The following CNTN6 variants were observed in gnomAD, a reference collection of about 807,000 sequenced individuals.
CNTN6 encodes contactin 6.
CNTN6 carries 137 observed loss-of-function variants against 122.8 expected under a neutral mutation model. The observed-to-expected ratio is 1.12, with a 90% CI of 0.97 to 1.29. The LOEUF (loss-of-function observed/expected upper bound fraction) is 1.29. Ranked by LOEUF, CNTN6 falls within the 50% of genes most tolerant of loss-of-function variation. The pLI is 0.00. For missense variants in CNTN6, 1,634 were observed against 1,223.4 expected (o/e 1.34, Z -5.01); for synonymous variants, 570 against 426.0 (o/e 1.34, Z -4.16).
intron 2 of CNTN6, among the ~76,000 whole-genome samples, chr3:1,196,564 T>C (rs1364884129): frequency 6.6e-6 from 1 of 152,148 alleles, no homozygotes; most frequent in Non-Finnish European, 1.5e-5. Flanking sequence ...GAATGAAGTG[T>C]TATGATGAGG....
chr3:1,114,701 G>C (rs1440531974), intron 1 of CNTN6, among the ~76,000 whole-genome samples: 1 of 152,042 alleles, frequency 6.6e-6, no homozygotes, highest in East Asian at 1.9e-4. Context: ...TCGCAAAAGT[G>C]GTATTTTTAG....
chr3:1,385,138 T>C (rs980622082), intron 19 of CNTN6, among the ~76,000 whole-genome samples: 8 of 151,924 alleles, frequency 5.3e-5, no homozygotes, highest in African/African-American at 1.9e-4. Context: ...TTTATTCTCT[T>C]TTTTTTTCAA....
intron 1 of CNTN6, among the ~76,000 whole-genome samples, chr3:1,116,966 A>G (rs538236542): frequency 2.0e-5 from 3 of 152,170 alleles, no homozygotes; most frequent in South Asian, 4.2e-4. Context: ...CAGTCTCGCA[A>G]ATTTCCCTCT....
chr3:1,241,399 C>G (rs9850923), intron 4 of CNTN6, among the ~76,000 whole-genome samples: 1 of 151,630 alleles, frequency 6.6e-6, no homozygotes, highest in African/African-American at 2.4e-5. Flanking sequence ...GTGGGAGAGA[C>G]TAAGCTGAAG....
intron 2 of CNTN6, among the ~76,000 whole-genome samples, chr3:1,160,521 CT>C (rs2093106985): frequency 6.6e-6 from 1 of 151,172 alleles, no homozygotes; most frequent in Non-Finnish European, 1.5e-5. Flanking sequence ...TTGTATGAAT[CT>C]TTTACAGCCT....
chr3:1,338,005 A>C (rs911070783), intron 11 of CNTN6, among the ~76,000 whole-genome samples: 1 of 152,052 alleles, frequency 6.6e-6, no homozygotes, highest in East Asian at 1.9e-4. Context: ...GCTCCGGTTC[A>C]TTAAAGTTAT....
At chr3:1,394,467 A>T (rs1694728052) in intron 20 of CNTN6, 2 of 157,568 alleles carry the variant, frequency 1.3e-5, no homozygotes, top group Admixed American at 6.5e-5. Flanking sequence ...TGACGGGTTG[A>T]CAGTGCCGAG....
At chr3:1,225,281 ACT>A (rs1320874351) in intron 3 of CNTN6, among the ~76,000 whole-genome samples, 1 of 152,200 alleles carries the variant, frequency 6.6e-6, no homozygotes, top group African/African-American at 2.4e-5. Context: ...ATTCATTAAT[ACT>A]GTTTCTCCAT....
chr3:1,296,919 C>T (rs553953994), intron 6 of CNTN6, among the ~76,000 whole-genome samples: 63 of 152,110 alleles, frequency 4.1e-4, no homozygotes, highest in African/African-American at 1.5e-3. Context: ...CTTCTTCTAT[C>T]CCCTCTATTC....
intron 1 of CNTN6, among the ~76,000 whole-genome samples, chr3:1,135,030 T>C (rs2092437332): frequency 6.6e-6 from 1 of 152,084 alleles, no homozygotes; most frequent in South Asian, 2.1e-4. Flanking sequence ...CCATGCCCCA[T>C]AGCACAAAGT....
Position 1,383,126 on chromosome 3 carries a change from AAGG to A in CNTN6, c.2354_2356del (p.Gly785del), listed in dbSNP as rs1214088808. On this transcript the variant is annotated inframe_deletion, in exon 18 of 23. Transcript: ENST00000446702. Reference sequence around the variant, plus strand: ...GTCAAAGTGGGTGTGTATAATAATGAAGGAGAAGGATCCCTGAGTACTGTGACC... The same window carrying A: ...GTCAAAGTGGGTGTGTATAATAATGAAGAAGGATCCCTGAGTACTGTGACC... 1 of 1,614,062 alleles carries A rather than the reference AAGG, an allele frequency of 6.2e-7. No homozygotes were observed. The highest frequency in any genetic ancestry group is 8.5e-7 in the Non-Finnish European group (1 of 1,179,944).
chr3:1,136,631 A>C (rs2092482049), intron 1 of CNTN6, among the ~76,000 whole-genome samples: 1 of 152,148 alleles, frequency 6.6e-6, no homozygotes, highest in Non-Finnish European at 1.5e-5. Context: ...CTAGCTTTAT[A>C]ACAACTCAGG....
intron 2 of CNTN6, among the ~76,000 whole-genome samples, chr3:1,159,411 T>G (rs539836952): frequency 3.9e-5 from 6 of 152,036 alleles, no homozygotes; most frequent in Non-Finnish European, 7.4e-5. Flanking sequence ...GACTGGAGAT[T>G]TCATCACACT....
intron 4 of CNTN6, among the ~76,000 whole-genome samples, chr3:1,261,007 C>A (rs964962741): frequency 2.0e-5 from 3 of 152,138 alleles, no homozygotes; most frequent in Non-Finnish European, 4.4e-5. Flanking sequence ...GCTGTTCAAA[C>A]TTAATGTGAA....
At chr3:1,155,024 A>G (rs1321598412) in intron 2 of CNTN6, among the ~76,000 whole-genome samples, 2 of 151,886 alleles carry the variant, frequency 1.3e-5, no homozygotes, top group African/African-American at 4.8e-5. Flanking sequence ...TTTCCATTAT[A>G]CCCATCTCCA....
At position 1,381,401 on chromosome 3, in the gene CNTN6, A is replaced by G. The variant is rs571654800; in HGVS notation, c.2167-1541A>G. On this transcript the variant is annotated intron_variant, in intron 17 of 22. Coordinates refer to ENST00000446702, the MANE Select transcript of CNTN6 (RefSeq NM_001289080.2). ...TTCTGTATTTGTTAGACTGTTCCACATGGCAAGAAATAGAGACCAGCTCAG... is the reference window on the plus strand; with the variant it reads ...TTCTGTATTTGTTAGACTGTTCCACGTGGCAAGAAATAGAGACCAGCTCAG... 7.2e-5 allele frequency among the ~76,000 whole-genome samples: 11 copies of G among 152,252 alleles called. No individual in the cohort carries two copies. In the East Asian group the frequency reaches 2.1e-3, roughly 29 times the overall value.
chr3:1,231,581 C>T (rs554037996), intron 4 of CNTN6, among the ~76,000 whole-genome samples: 4 of 152,292 alleles, frequency 2.6e-5, no homozygotes, highest in Admixed American at 2.6e-4. Context: ...TGAAACCATC[C>T]TGAAATGTGG....
chr3:1,321,563 G>C, intron 7 of CNTN6, 87 bp from the exon 8 acceptor site: 1 of 1,187,330 alleles, frequency 8.4e-7, no homozygotes, highest in Non-Finnish European at 1.2e-6. Context: ...TATTTTTCTT[G>C]AGAGTTATTT....
chr3:1,281,722 G>A (rs924109818), intron 5 of CNTN6, among the ~76,000 whole-genome samples: 1 of 152,170 alleles, frequency 6.6e-6, no homozygotes, highest in African/African-American at 2.4e-5. Context: ...ACAGGCGTGA[G>A]CCATCGGGCG....
Sources: allele counts gnomAD v4.1 joint callset (sites outside exome capture counted in the v4.1 genomes callset), GRCh38; gene constraint gnomAD v4.1.1; transcripts MANE v1.5; gene names NCBI Gene and HGNC (gene_info 2026-07-23, HGNC 2026-07-21).